The following PPCS variants were observed in gnomAD, a reference collection of about 807,000 sequenced individuals.
PPCS encodes the protein phosphopantothenate--cysteine ligase.
Under a neutral mutation model 24.6 loss-of-function variants are expected in PPCS, and 17 were observed. The ratio of observed to expected loss-of-function variants is 0.69; its 90% CI spans 0.47 to 1.04. The LOEUF (loss-of-function observed/expected upper bound fraction) is 1.04. Among genes scored for constraint, PPCS ranks in the 50% least tolerant of loss-of-function variants. PPCS has a pLI of 0.00. For missense variants in PPCS, 360 were observed against 402.8 expected, an observed-to-expected ratio of 0.89 and a Z score of 0.91; for synonymous variants, 190 against 168.3, an observed-to-expected ratio of 1.13 and a Z score of -1.00.
At chr1:42,457,515 G>C in intron 2 of PPCS, 165 bp downstream of exon 2, 3 of 635,700 alleles carry the variant, frequency 4.7e-6, no homozygotes, top group Non-Finnish European at 8.4e-6. Flanking sequence ...ATCTAGTGAG[G>C]GAGCTGGACA....
rs765197908 is a variant in PPCS at position 42,456,773 on chromosome 1, G to A, written c.208G>A (p.Ala70Thr). The change falls in exon 1 of 3, where the codon GCC becomes ACC. Residue 70 changes from alanine to threonine, a missense_variant. Physicochemically the swap from Ala to Thr is moderately conservative, Grantham distance 58. Transcript: ENST00000372561. ...CAGCGGGCGGCGCGGTGCAACCTCG[G>A]CCGAGGCCTTCCTAGCCGCCGGCTA... The part of the protein sequence containing the change: ...FSSGRRGATS[A>T]EAFLAAGYGV... 9 of 1,612,526 alleles carry A rather than the reference G, an allele frequency of 5.6e-6. No homozygotes were observed. In the East Asian group the frequency reaches 1.6e-4, roughly 28 times the overall value.
intron 2 of PPCS, among the ~76,000 whole-genome samples, chr1:42,458,028 G>T (rs142022073): frequency 1.0e-3 from 159 of 152,082 alleles, no homozygotes; most frequent in Non-Finnish European, 1.2e-3. Flanking sequence ...GGTCATTCCA[G>T]GTGGAGTATG....
downstream of PPCS, among the ~76,000 whole-genome samples, chr1:42,463,139 G>A (rs891333137): frequency 1.3e-5 from 2 of 152,212 alleles, no homozygotes; most frequent in African/African-American, 2.4e-5. Flanking sequence ...ATACGGCCGG[G>A]ACAACTCCGC....
chr1:42,467,056 A>G (rs1425418297), intron 2 of PPCS, among the ~76,000 whole-genome samples: 5 of 152,186 alleles, frequency 3.3e-5, no homozygotes, highest in African/African-American at 1.2e-4. Context: ...CTGAATGTCA[A>G]AATTTGTGGA....
chr1:42,456,781 C>G lies in PPCS; in HGVS notation c.216C>G (p.Ala72=), dbSNP rs1643206889. The G allele has an allele frequency of 3.1e-6, 5 of 1,612,834 alleles. No homozygotes were observed. The African/African-American group carries it at 6.7e-5, about 22-fold the overall frequency. Residue 72 remains alanine, a synonymous_variant, in exon 1 of 3, where the codon GCC becomes GCG. Transcript: ENST00000372561. ...SGRRGATSAE[A]FLAAGYGVLF... ...GGCGCGGTGCAACCTCGGCCGAGGC[C>G]TTCCTAGCCGCCGGCTACGGGGTCC...
chr1:42,457,658 A>G, intron 2 of PPCS: 1 of 363,952 alleles, frequency 2.7e-6, no homozygotes, highest in Non-Finnish European at 5.1e-6. Context: ...ACTGGGTTTT[A>G]AAAGATGAGC....
intron 2 of PPCS, 94 bp downstream of exon 2, chr1:42,457,444 T>G: frequency 9.3e-7 from 1 of 1,071,850 alleles, no homozygotes; most frequent in Non-Finnish European, 1.4e-6. Context: ...TGCATCTGTA[T>G]TCGCTAGGCA....
intron 2 of PPCS, among the ~76,000 whole-genome samples, chr1:42,472,454 A>G (rs1482637604): frequency 6.6e-6 from 1 of 152,220 alleles, no homozygotes; most frequent in African/African-American, 2.4e-5. Context: ...ATAAATTATA[A>G]GACATATTCT....
At chr1:42,470,437 A>C (rs1338088334) in intron 2 of PPCS, among the ~76,000 whole-genome samples, 2 of 152,344 alleles carry the variant, frequency 1.3e-5, no homozygotes, top group Admixed American at 6.5e-5. Context: ...ACATAGAATT[A>C]TATATCTAAC....
chr1:42,457,429 C>T (rs1353765606), intron 2 of PPCS, 79 bp downstream of exon 2: 13 of 1,228,502 alleles, frequency 1.1e-5, no homozygotes, highest in Non-Finnish European at 1.4e-5. Flanking sequence ...TGGAGATGGC[C>T]TTTCTGCATC....
downstream of PPCS, among the ~76,000 whole-genome samples, chr1:42,462,913 C>T (rs1351764666): frequency 2.6e-5 from 4 of 152,324 alleles, no homozygotes; most frequent in South Asian, 8.3e-4. Flanking sequence ...AAATTCAGAG[C>T]TCTTGAGCTA....
At chr1:42,469,207 C>T (rs750093374) in intron 2 of PPCS, among the ~76,000 whole-genome samples, 6 of 151,968 alleles carry the variant, frequency 3.9e-5, no homozygotes, top group Admixed American at 6.6e-5. Flanking sequence ...ATAAGACCCT[C>T]GTCTCTAAAA....
chr1:42,459,549 C>A, intron 2 of PPCS, 54 bp from the exon 3 acceptor site: 1 of 1,405,768 alleles, frequency 7.1e-7, no homozygotes, highest in Non-Finnish European at 9.9e-7. Context: ...ATGAGATTGA[C>A]CTGGTAGGTA....
At chr1:42,459,469 T>A (rs1203225605) in intron 2 of PPCS, 134 bp from the exon 3 acceptor site, 1 of 821,896 alleles carries the variant, frequency 1.2e-6, no homozygotes, top group African/African-American at 1.7e-5. Context: ...TAAGACTTTT[T>A]AAACTAAACA....
chr1:42,457,611 G>A, intron 2 of PPCS: 1 of 484,826 alleles, frequency 2.1e-6, no homozygotes, highest in South Asian at 2.6e-5. Flanking sequence ...GTGAATCCTG[G>A]GGGAGTCGAT....
At chr1:42,471,127 A>G (rs2148440797) in intron 2 of PPCS, among the ~76,000 whole-genome samples, 2 of 152,298 alleles carry the variant, frequency 1.3e-5, no homozygotes, top group Middle Eastern at 3.4e-3. Flanking sequence ...CATAAAGATC[A>G]CTGGCTTTGG....
At chr1:42,465,554 G>A (rs577808646), downstream of PPCS, among the ~76,000 whole-genome samples, 6 of 152,178 alleles carry the variant, frequency 3.9e-5, no homozygotes, top group Non-Finnish European at 7.4e-5. Context: ...AGTAGAGACG[G>A]GGTTTCTCCA....
At chr1:42,457,620 A>T (rs181750904) in intron 2 of PPCS, 1 of 467,184 alleles carries the variant, frequency 2.1e-6, no homozygotes, top group Non-Finnish European at 3.9e-6. Flanking sequence ...GGGGGAGTCG[A>T]TGAAGCTTCT....
chr1:42,469,987 G>A (rs1002780961), intron 2 of PPCS, among the ~76,000 whole-genome samples: 1 of 152,172 alleles, frequency 6.6e-6, no homozygotes, highest in African/African-American at 2.4e-5. Context: ...TTGCATGCCT[G>A]TTTGATTTTG....
Sources: allele counts gnomAD v4.1 joint callset (sites outside exome capture counted in the v4.1 genomes callset), GRCh38; gene constraint gnomAD v4.1.1; transcripts MANE v1.5; gene names NCBI Gene and HGNC (gene_info 2026-07-23, HGNC 2026-07-21).